The following RBKS variants were observed in gnomAD, a reference collection of about 807,000 sequenced individuals.
The protein encoded by RBKS is ribokinase.
RBKS carries 33 observed loss-of-function variants against 33.9 expected under a neutral mutation model. The observed-to-expected ratio is 0.97, with a 90% confidence interval of 0.74 to 1.30. The LOEUF (loss-of-function observed/expected upper bound fraction) is 1.30. RBKS is among the 50% of genes most tolerant of loss of function. The pLI is 0.00. For missense variants in RBKS, 361 were observed against 392.6 expected (o/e 0.92, Z 0.68); for synonymous variants, 125 against 143.0 (o/e 0.87, Z 0.90).
At chr2:27,824,954 T>C (rs1341030487) in intron 7 of RBKS, among the ~76,000 whole-genome samples, 1 of 152,086 alleles carries the variant, frequency 6.6e-6, no homozygotes, top group African/African-American at 2.4e-5. Flanking sequence ...TTGGGCAACA[T>C]GGCAAAACCC....
intron 1 of RBKS, among the ~76,000 whole-genome samples, chr2:27,863,673 T>G (rs1241464385): frequency 6.6e-6 from 1 of 152,268 alleles, no homozygotes; most frequent in Non-Finnish European, 1.5e-5. Flanking sequence ...TTTGCACTGA[T>G]CTTTTCTCCT....
At chr2:27,862,712 G>A (rs1664015479) in intron 1 of RBKS, among the ~76,000 whole-genome samples, 1 of 152,150 alleles carries the variant, frequency 6.6e-6, no homozygotes, top group African/African-American at 2.4e-5. Flanking sequence ...CTGACTATGT[G>A]CACTTAAGCC....
At chr2:27,817,925 C>T (rs1678129355) in intron 7 of RBKS, among the ~76,000 whole-genome samples, 1 of 152,134 alleles carries the variant, frequency 6.6e-6, no homozygotes, top group Non-Finnish European at 1.5e-5. Context: ...CCACCAGGTC[C>T]CTCCCTCAAC....
chr2:27,863,898 A>G (rs11902158), intron 1 of RBKS, among the ~76,000 whole-genome samples: 39,385 of 152,190 alleles, frequency 0.26, 6,123 homozygotes, highest in East Asian at 0.63. Context: ...CTCTGTAAAA[A>G]AATCTCCCAA....
rs548846531 is a variant in RBKS at position 27,816,621 on chromosome 2, GT to G, written c.795+10945del. ...AGGATATGTGTTTTTTTGTTTTTTT[GT>G]TTTTTTGTTTTTGAGGAGTCTCCCT... On this transcript the variant is annotated intron_variant, in intron 7 of 7. Coordinates refer to ENST00000302188, the MANE Select transcript of RBKS (RefSeq NM_022128.3). Among the ~76,000 whole-genome samples, 46 of 151,494 alleles carry G rather than the reference GT, an allele frequency of 3.0e-4. 2 individuals carry two copies. In the East Asian group the frequency reaches 8.7e-3, roughly 29 times the overall value.
At chr2:27,841,729 A>AAC (rs35205983) in intron 5 of RBKS, among the ~76,000 whole-genome samples, 13,084 of 142,190 alleles carry the variant, frequency 0.092, 597 homozygotes, top group Middle Eastern at 0.16. Context: ...CACTTATATA[A>AAC]ACACACACAC....
intron 2 of RBKS, 99 bp downstream of exon 2, chr2:27,858,340 G>A: frequency 8.2e-7 from 1 of 1,223,668 alleles, no homozygotes. Context: ...CCACTGAACT[G>A]TTCACTCTAA....
intron 1 of RBKS, among the ~76,000 whole-genome samples, chr2:27,867,668 T>TAC (rs1664128033): frequency 6.6e-6 from 1 of 152,162 alleles, no homozygotes; most frequent in Admixed American, 6.5e-5. Context: ...TATATATATA[T>TAC]ACTTCCTTCC....
intron 7 of RBKS, among the ~76,000 whole-genome samples, chr2:27,788,825 C>T (rs1677455254): frequency 6.6e-6 from 1 of 152,166 alleles, no homozygotes; most frequent in Non-Finnish European, 1.5e-5. Context: ...GATCTATCCA[C>T]TCTTGCTATG....
At chr2:27,849,161 G>A (rs1663683360) in intron 2 of RBKS, among the ~76,000 whole-genome samples, 1 of 152,090 alleles carries the variant, frequency 6.6e-6, no homozygotes, top group Non-Finnish European at 1.5e-5. Context: ...CTACCACTGG[G>A]CTTTTCAGTT....
At chr2:27,809,859 G>A (rs958861038) in intron 7 of RBKS, 2 of 1,162,592 alleles carry the variant, frequency 1.7e-6, no homozygotes, top group African/African-American at 1.6e-5. Context: ...TTCCACTTCT[G>A]CTGATGCACA....
intron 2 of RBKS, among the ~76,000 whole-genome samples, chr2:27,857,105 AATTGTATAGTTTATACATCATTT>A (rs1663872637): frequency 1.3e-5 from 2 of 152,256 alleles, no homozygotes; most frequent in Non-Finnish European, 1.5e-5. Context: ...ATGGAGTGAT[AATTGTATAGTTTATACATCATTT>A]AAAACTCCTG....
chr2:27,799,166 T>G (rs973761995), intron 7 of RBKS, among the ~76,000 whole-genome samples: 2 of 152,170 alleles, frequency 1.3e-5, no homozygotes, highest in African/African-American at 4.8e-5. Flanking sequence ...AAGTTCTGGT[T>G]TGCCAAATTC....
intron 3 of RBKS, among the ~76,000 whole-genome samples, chr2:27,847,655 A>G (rs1408838135): frequency 3.3e-5 from 5 of 152,252 alleles, no homozygotes; most frequent in Admixed American, 6.5e-5. Flanking sequence ...GCTCTTGCAG[A>G]AATCACAGAA....
chr2:27,875,946 A>AC (rs1664308100), intron 1 of RBKS, among the ~76,000 whole-genome samples: 1 of 152,228 alleles, frequency 6.6e-6, no homozygotes, highest in African/African-American at 2.4e-5. Context: ...GGGAGACGAA[A>AC]CAAAAAAAAT....
intron 1 of RBKS, among the ~76,000 whole-genome samples, chr2:27,888,538 T>C (rs1299712978): frequency 1.3e-5 from 2 of 152,268 alleles, no homozygotes; most frequent in African/African-American, 4.8e-5. Context: ...TATTCCTTTA[T>C]GTAACTCAAC....
At chr2:27,873,958 T>G (rs1664265281) in intron 1 of RBKS, among the ~76,000 whole-genome samples, 1 of 152,200 alleles carries the variant, frequency 6.6e-6, no homozygotes, top group Non-Finnish European at 1.5e-5. Context: ...GCCTTCTGTA[T>G]GTATACAAGA....
chr2:27,799,849 G>A (rs78373580), intron 7 of RBKS, among the ~76,000 whole-genome samples: 4 of 152,134 alleles, frequency 2.6e-5, no homozygotes, highest in Non-Finnish European at 4.4e-5. Context: ...CTTGCTCTGC[G>A]CTCTCTTCCA....
At chr2:27,851,574 T>C (rs1032497787) in intron 2 of RBKS, among the ~76,000 whole-genome samples, 31 of 152,114 alleles carry the variant, frequency 2.0e-4, no homozygotes, top group African/African-American at 7.5e-4. Context: ...GTTTCGCTCT[T>C]GTTGCCCAAG....
Sources: gnomAD v4.1 joint callset for allele counts (sites outside exome capture counted in the v4.1 genomes callset) on GRCh38, gnomAD v4.1.1 for gene constraint, MANE v1.5 for transcripts, NCBI Gene and HGNC (gene_info 2026-07-23, HGNC 2026-07-21) for gene names.